ZFHX3: variants seen among roughly 807,000 people sequenced by gnomAD.
The protein encoded by ZFHX3 is zinc finger homeobox protein 3.
Under a neutral mutation model 279.1 loss-of-function variants are expected in ZFHX3, and 42 were observed. The observed-to-expected ratio is 0.15, with a 90% CI of 0.12 to 0.19. The LOEUF is 0.19. ZFHX3 is among the 10% of genes least tolerant of loss of function. ZFHX3 has a pLI of 1.00. For missense variants in ZFHX3, 4,981 were observed against 4,754.0 expected (o/e 1.05, Z -1.40); for synonymous variants, 2,293 against 1,957.8 (o/e 1.17, Z -4.52).
At chr16:72,931,126 A>T (rs1959773492) in intron 3 of ZFHX3, among the ~76,000 whole-genome samples, 1 of 152,166 alleles carries the variant, frequency 6.6e-6, no homozygotes, top group African/African-American at 2.4e-5. Flanking sequence ...GCCAAAACTC[A>T]GTCCTCCTAG....
intron 4 of ZFHX3, among the ~76,000 whole-genome samples, chr16:72,853,312 A>G (rs1328351402): frequency 1.3e-5 from 2 of 152,290 alleles, no homozygotes; most frequent in South Asian, 2.1e-4. Context: ...ATCAAATCTT[A>G]TCAGAATTGA....
intron 4 of ZFHX3, among the ~76,000 whole-genome samples, chr16:72,843,728 G>A (rs1371778578): frequency 1.3e-5 from 2 of 152,064 alleles, no homozygotes; most frequent in African/African-American, 2.4e-5. Context: ...CCTCCATCAA[G>A]GTGGTGATGT....
At chr16:73,537,965 T>C (rs2019937330) in intron 2 of ZFHX3, among the ~76,000 whole-genome samples, 1 of 152,248 alleles carries the variant, frequency 6.6e-6, no homozygotes, top group South Asian at 2.1e-4. Context: ...GCCTTCATTC[T>C]TCATATATGG....
At chr16:73,246,023 CCT>C (rs1177695922) in intron 5 of ZFHX3, among the ~76,000 whole-genome samples, 1 of 152,094 alleles carries the variant, frequency 6.6e-6, no homozygotes, top group East Asian at 1.9e-4. Flanking sequence ...AGGCCATTCC[CCT>C]GTTTCCTTCT....
intron 3 of ZFHX3, among the ~76,000 whole-genome samples, chr16:73,377,368 C>A (rs919558050): frequency 6.6e-6 from 1 of 152,104 alleles, no homozygotes; most frequent in Non-Finnish European, 1.5e-5. Context: ...TCAGACCTAC[C>A]AGGTATTAAG....
chr16:72,858,036 G>A (rs2037795327), intron 4 of ZFHX3, among the ~76,000 whole-genome samples: 2 of 152,230 alleles, frequency 1.3e-5, no homozygotes, highest in Non-Finnish European at 2.9e-5. Context: ...TCTCTGTGCT[G>A]GAAGTAAATT....
intron 2 of ZFHX3, among the ~76,000 whole-genome samples, chr16:73,623,576 TA>T (rs1287605294): frequency 6.6e-6 from 1 of 152,202 alleles, no homozygotes; most frequent in Admixed American, 6.5e-5. Context: ...TAATTTAATG[TA>T]ATTTCCCTAA....
intron 3 of ZFHX3, among the ~76,000 whole-genome samples, chr16:73,328,019 C>T (rs1400185783): frequency 6.6e-6 from 1 of 152,160 alleles, no homozygotes; most frequent in African/African-American, 2.4e-5. Flanking sequence ...GAACACCAGC[C>T]AGAATACTGA....
At chr16:73,846,359 A>G (rs1453185315) in intron 1 of ZFHX3, among the ~76,000 whole-genome samples, 1 of 152,214 alleles carries the variant, frequency 6.6e-6, no homozygotes, top group African/African-American at 2.4e-5. Flanking sequence ...GAGGGAAAAC[A>G]TGAATGAGCC....
At chr16:73,460,086 G>C (rs2018447427) in intron 2 of ZFHX3, among the ~76,000 whole-genome samples, 1 of 152,100 alleles carries the variant, frequency 6.6e-6, no homozygotes, top group South Asian at 2.1e-4. Flanking sequence ...TCACCACAAG[G>C]AGCTCTCCTT....
intron 1 of ZFHX3, among the ~76,000 whole-genome samples, chr16:73,728,026 G>A (rs190726538): frequency 4.3e-4 from 18 of 41,530 alleles, no homozygotes; most frequent in African/African-American, 1.1e-3. Flanking sequence ...CCCCCCCCCC[G>A]CCCCCAATAA....
chr16:73,704,039 A>C (rs2053278710), intron 1 of ZFHX3, among the ~76,000 whole-genome samples: 1 of 152,204 alleles, frequency 6.6e-6, no homozygotes, highest in Admixed American at 6.5e-5. Flanking sequence ...TGAACTACGT[A>C]CAAATTTGTC....
chr16:73,290,676 G>A (rs1331461031), intron 4 of ZFHX3, among the ~76,000 whole-genome samples: 1 of 152,222 alleles, frequency 6.6e-6, no homozygotes, highest in Non-Finnish European at 1.5e-5. Flanking sequence ...AAAGCTGCTT[G>A]TCTTTCACTG....
At chr16:73,105,384 C>T (rs60251236) in intron 7 of ZFHX3, among the ~76,000 whole-genome samples, 7,442 of 42,958 alleles carry the variant, frequency 0.17, 785 homozygotes, top group African/African-American at 0.41. Context: ...TATATATATA[C>T]ACACACACAC....
At chr16:73,525,202 T>C (rs1316123248) in intron 2 of ZFHX3, among the ~76,000 whole-genome samples, 1 of 152,186 alleles carries the variant, frequency 6.6e-6, no homozygotes, top group East Asian at 1.9e-4. Flanking sequence ...CGATTTTTCT[T>C]CTTTCAGGTT....
At chr16:73,556,755 A>G (rs1287671701) in intron 2 of ZFHX3, among the ~76,000 whole-genome samples, 1 of 152,032 alleles carries the variant, frequency 6.6e-6, no homozygotes, top group African/African-American at 2.4e-5. Context: ...TCTTTACTCA[A>G]CATCCTCCAC....
At chr16:72,916,655 G>A (rs982980511) in intron 3 of ZFHX3, among the ~76,000 whole-genome samples, 6 of 152,056 alleles carry the variant, frequency 3.9e-5, no homozygotes, top group South Asian at 2.1e-4. Context: ...AAGAAAAGGC[G>A]AATTAATAAA....
intron 7 of ZFHX3, chr16:72,809,881 C>CT (rs35871614): frequency 0.27 from 36,038 of 134,384 alleles, 5,910 homozygotes; most frequent in Non-Finnish European, 0.39. Flanking sequence ...CAGGAAAGGG[C>CT]TTTTTTTTTT....
intron 8 of ZFHX3, among the ~76,000 whole-genome samples, chr16:73,088,201 A>G (rs569063532): frequency 9.9e-5 from 15 of 151,828 alleles, no homozygotes; most frequent in African/African-American, 3.6e-4. Context: ...GCTGGAGCAC[A>G]GCGGAGTGAT....
Sources: allele counts gnomAD v4.1 joint callset (sites outside exome capture counted in the v4.1 genomes callset), GRCh38; gene constraint gnomAD v4.1.1; transcripts MANE v1.5; gene names NCBI Gene and HGNC (gene_info 2026-07-23, HGNC 2026-07-21).